The following NALF1 variants were observed in gnomAD, a reference collection of about 807,000 sequenced individuals.
The protein encoded by NALF1 is NALCN channel auxiliary factor 1.
In NALF1, 3 loss-of-function variants were observed where a neutral mutation model predicts 48.4. That is an observed-to-expected ratio of 0.06 (90% confidence interval 0.03 to 0.16). The LOEUF (loss-of-function observed/expected upper bound fraction) is 0.16, where lower values mean the gene tolerates loss of function less well. Ranked by LOEUF, NALF1 falls within the 10% of genes least tolerant of loss-of-function variation. NALF1 has a pLI of 1.00. For missense variants in NALF1, 526 were observed against 571.5 expected, an observed-to-expected ratio of 0.92 and a Z score of 0.81; for synonymous variants, 262 against 245.7, an observed-to-expected ratio of 1.07 and a Z score of -0.62.
At chr13:107,451,749 T>C (rs1884744224) in intron 1 of NALF1, among the ~76,000 whole-genome samples, 1 of 152,220 alleles carries the variant, frequency 6.6e-6, no homozygotes, top group Non-Finnish European at 1.5e-5. Context: ...CACATCGCTC[T>C]ATCCAATTTT....
chr13:107,333,270 T>C (rs1882501277), intron 1 of NALF1, among the ~76,000 whole-genome samples: 1 of 152,150 alleles, frequency 6.6e-6, no homozygotes, highest in Admixed American at 6.5e-5. Flanking sequence ...TTCTCTAACA[T>C]ACACTCTGTA....
intron 1 of NALF1, among the ~76,000 whole-genome samples, chr13:107,517,020 C>A (rs567528358): frequency 6.6e-6 from 1 of 152,246 alleles, no homozygotes; most frequent in East Asian, 1.9e-4. Flanking sequence ...GAAATGCATT[C>A]ATTTACGTGG....
chr13:107,575,920 T>C (rs1017694732), intron 1 of NALF1, among the ~76,000 whole-genome samples: 12 of 151,740 alleles, frequency 7.9e-5, no homozygotes, highest in African/African-American at 2.4e-4. Flanking sequence ...TAGGCGTGTA[T>C]GTTTATATGT....
intron 1 of NALF1, among the ~76,000 whole-genome samples, chr13:107,498,592 CA>C (rs1348078788): frequency 1.3e-5 from 2 of 151,950 alleles, no homozygotes; most frequent in African/African-American, 4.8e-5. Flanking sequence ...GGAAAGAAGA[CA>C]GGGGGAGAAC....
intron 1 of NALF1, among the ~76,000 whole-genome samples, chr13:107,648,029 G>GT (rs1410944337): frequency 6.6e-6 from 1 of 152,060 alleles, no homozygotes; most frequent in East Asian, 1.9e-4. Context: ...AAGTAGTATT[G>GT]TTTTTTAATC....
chr13:107,355,210 C>T, intron 1 of NALF1, among the ~76,000 whole-genome samples: 1 of 152,060 alleles, frequency 6.6e-6, no homozygotes, highest in Middle Eastern at 3.2e-3. Context: ...GTCTGCAAAC[C>T]CCAACGTTAC....
chr13:107,274,321 A>G (rs1881235321), intron 1 of NALF1, among the ~76,000 whole-genome samples: 1 of 152,110 alleles, frequency 6.6e-6, no homozygotes, highest in Non-Finnish European at 1.5e-5. Flanking sequence ...CTGTAATCTC[A>G]TTGCTTTGGG....
chr13:107,434,955 C>A (rs758588386), intron 1 of NALF1, among the ~76,000 whole-genome samples: 8 of 152,178 alleles, frequency 5.3e-5, no homozygotes, highest in Non-Finnish European at 1.0e-4. Flanking sequence ...CATCGATCTT[C>A]TCAACTTCAT....
chr13:107,595,886 AT>A (rs1291355020), intron 1 of NALF1, among the ~76,000 whole-genome samples: 2 of 152,134 alleles, frequency 1.3e-5, no homozygotes, highest in Non-Finnish European at 2.9e-5. Flanking sequence ...CCTTACTGGC[AT>A]AGTGTACCCT....
intron 1 of NALF1, among the ~76,000 whole-genome samples, chr13:107,656,500 C>A (rs1008439080): frequency 1.3e-5 from 2 of 151,816 alleles, no homozygotes; most frequent in Non-Finnish European, 2.9e-5. Context: ...TCAAAAAAAT[C>A]AAAAAATAAT....
At chr13:107,366,149 T>A (rs1388137184) in intron 1 of NALF1, among the ~76,000 whole-genome samples, 1 of 152,160 alleles carries the variant, frequency 6.6e-6, no homozygotes, top group African/African-American at 2.4e-5. Flanking sequence ...TCAATGCCAG[T>A]GAGAGAGAGT....
chr13:107,249,910 C>T (rs1216095076), intron 1 of NALF1, among the ~76,000 whole-genome samples: 1 of 152,046 alleles, frequency 6.6e-6, no homozygotes. Context: ...AATTAGTATA[C>T]AATTAGTACA....
At chr13:107,262,579 C>T (rs1000762309) in intron 1 of NALF1, among the ~76,000 whole-genome samples, 2 of 152,112 alleles carry the variant, frequency 1.3e-5, no homozygotes, top group African/African-American at 4.8e-5. Context: ...GGCACAAAAA[C>T]AATCATTTCC....
chr13:107,533,874 T>G (rs1324457747), intron 1 of NALF1, among the ~76,000 whole-genome samples: 1 of 151,980 alleles, frequency 6.6e-6, no homozygotes, highest in Non-Finnish European at 1.5e-5. Context: ...ATAGGTAAAA[T>G]CAGTTCTACA....
At chr13:107,559,910 C>A (rs1180570467) in intron 1 of NALF1, among the ~76,000 whole-genome samples, 1 of 152,062 alleles carries the variant, frequency 6.6e-6, no homozygotes, top group Non-Finnish European at 1.5e-5. Flanking sequence ...AAAGGAGAGA[C>A]ATGGCAGAGA....
At chr13:107,507,362 G>C (rs2139084120) in intron 1 of NALF1, among the ~76,000 whole-genome samples, 2 of 152,008 alleles carry the variant, frequency 1.3e-5, no homozygotes, top group East Asian at 1.9e-4. Context: ...ACTTAGAATA[G>C]AGGACATCTG....
chr13:107,578,371 G>A (rs1218214913), intron 1 of NALF1, among the ~76,000 whole-genome samples: 1 of 152,096 alleles, frequency 6.6e-6, no homozygotes, highest in Non-Finnish European at 1.5e-5. Flanking sequence ...TAGTCCTTTT[G>A]ATGTGTGTCA....
At chr13:107,656,608 T>TA (rs1184922187) in intron 1 of NALF1, among the ~76,000 whole-genome samples, 2 of 152,132 alleles carry the variant, frequency 1.3e-5, no homozygotes, top group African/African-American at 4.8e-5. Context: ...GGGGATTCCT[T>TA]AAAGAACTAA....
At chr13:107,540,874 A>G (rs1876980233) in intron 1 of NALF1, among the ~76,000 whole-genome samples, 1 of 152,150 alleles carries the variant, frequency 6.6e-6, no homozygotes, top group African/African-American at 2.4e-5. Context: ...TATTTAGAAA[A>G]GAGTAGATTC....
Sources: gnomAD v4.1 joint callset for allele counts (sites outside exome capture counted in the v4.1 genomes callset) on GRCh38, gnomAD v4.1.1 for gene constraint, MANE v1.5 for transcripts, NCBI Gene and HGNC (gene_info 2026-07-23, HGNC 2026-07-21) for gene names.